DNAH11: variants seen among roughly 807,000 people sequenced by gnomAD.
DNAH11 encodes axonemal beta dynein heavy chain 11.
In DNAH11, 442 loss-of-function variants were observed where a neutral mutation model predicts 526.0. The ratio of observed to expected loss-of-function variants is 0.84; its 90% CI spans 0.78 to 0.91. DNAH11 has a LOEUF of 0.91. Ranked by LOEUF, DNAH11 falls within the 40% of genes least tolerant of loss-of-function variation. The pLI, the probability that DNAH11 is intolerant of heterozygous loss-of-function variation, is 0.00. For synonymous variants in DNAH11, 2,461 were observed against 1,935.9 expected, an observed-to-expected ratio of 1.27 and a Z score of -7.12; for missense variants, 6,989 against 5,448.7, an observed-to-expected ratio of 1.28 and a Z score of -8.90.
At chr7:21,573,333 C>G (rs1783965966) in intron 8 of DNAH11, among the ~76,000 whole-genome samples, 1 of 152,276 alleles carries the variant, frequency 6.6e-6, no homozygotes, top group Non-Finnish European at 1.5e-5. Flanking sequence ...TACCTCTGAT[C>G]TTCGGTCTGG....
intron 64 of DNAH11, 53 bp downstream of exon 64, chr7:21,816,755 C>A: frequency 1.3e-6 from 2 of 1,482,498 alleles, no homozygotes; most frequent in South Asian, 2.3e-5. Flanking sequence ...TGAAGTGGGT[C>A]TGATTTTTAT....
chr7:21,848,334 ATCTCTCTCTC>A (rs145963018), intron 66 of DNAH11, among the ~76,000 whole-genome samples: 1 of 148,764 alleles, frequency 6.7e-6, no homozygotes, highest in Non-Finnish European at 1.5e-5. Context: ...ATCTTTCTCC[ATCTCTCTCTC>A]TCTCTCTCTC....
At chr7:21,571,491 G>A (rs1583490787) in intron 7 of DNAH11, among the ~76,000 whole-genome samples, 2 of 152,018 alleles carry the variant, frequency 1.3e-5, no homozygotes, top group East Asian at 3.9e-4. Context: ...TGTTGCCCAG[G>A]TTGGTTTCAA....
intron 29 of DNAH11, among the ~76,000 whole-genome samples, 196 bp from the exon 30 acceptor site, chr7:21,658,602 G>A (rs957447566): frequency 6.6e-6 from 1 of 152,084 alleles, no homozygotes; most frequent in Non-Finnish European, 1.5e-5. Context: ...GAGAAGGCGG[G>A]TTCCTGCAGG....
chr7:21,894,708 G>A lies in DNAH11; in HGVS notation c.12836G>A (p.Ser4279Asn). ...AEIMQKNSNRSPYVLVCFQEC... is the reference protein window; with the variant it reads ...AEIMQKNSNRNPYVLVCFQEC... ...ATAATGCAAAAAAATTCAAATAGAA[G>A]CCCATATGTTCTTGTTTGCTTCCAA... The change falls in exon 78 of 82, where the codon AGC (serine) becomes AAC (asparagine). Residue 4279 changes from serine (S) to asparagine (N), a missense_variant. Physicochemically the swap from Ser to Asn is conservative, Grantham distance 46 (BLOSUM62 1). Transcript: ENST00000409508. The A allele has an allele frequency of 6.2e-7, 1 of 1,613,836 alleles. No homozygotes were observed. The highest frequency in any genetic ancestry group is 8.5e-7 in the Non-Finnish European group (1 of 1,179,850).
Position 21,862,011 on chromosome 7 carries a change from G to T in DNAH11, c.11361G>T (p.Gln3787His), listed in dbSNP as rs747740981. The T allele has an allele frequency of 3.7e-6, 6 of 1,611,864 alleles. No individual in the cohort carries two copies. The Admixed American group carries it at 1.0e-4, about 27-fold the overall frequency. The change falls in exon 69 of 82, where the codon CAG (glutamine) becomes CAT (histidine). Residue 3787 changes from glutamine to histidine, a missense_variant. Coordinates refer to ENST00000409508, the MANE Select transcript of DNAH11 (RefSeq NM_001277115.2). ...AGGACAAGCTCACCTTCCTGTCCCA[G>T]ATGGCTTTTCAGGTAAGGAGATCAG... is the stretch of plus-strand genomic sequence containing the variant. ...FEKDKLTFLSQMAFQILLRKK... is the reference protein window; with the variant it reads ...FEKDKLTFLSHMAFQILLRKK...
intron 25 of DNAH11, among the ~76,000 whole-genome samples, chr7:21,622,480 A>G (rs550179412): frequency 1.2e-4 from 19 of 152,334 alleles, no homozygotes; most frequent in Non-Finnish European, 1.8e-4. Flanking sequence ...TTTAAAGTTC[A>G]TATGGCACCA....
chr7:21,712,036 A>G (rs982083697), intron 42 of DNAH11, among the ~76,000 whole-genome samples, 176 bp downstream of exon 42: 3 of 151,950 alleles, frequency 2.0e-5, no homozygotes, highest in Non-Finnish European at 4.4e-5. Flanking sequence ...ATAACACCTC[A>G]TTCTCCCCTC....
chr7:21,836,747 T>C lies in DNAH11; in HGVS notation c.10692-5797T>C, dbSNP rs1782010940. Among the ~76,000 whole-genome samples, 4 of 152,076 alleles carry C rather than the reference T, an allele frequency of 2.6e-5. No individual in the cohort carries two copies. The South Asian group carries it at 8.3e-4, about 31-fold the overall frequency. On this transcript the variant is annotated intron_variant, in intron 65 of 81. Coordinates refer to ENST00000409508, the MANE Select transcript of DNAH11 (RefSeq NM_001277115.2). Reference sequence around the variant, plus strand: ...CAAAAGCAAAGATAGACAAATGGGATTACATCAGACTAAAAAGCTTCTGCA... The same window carrying C: ...CAAAAGCAAAGATAGACAAATGGGACTACATCAGACTAAAAAGCTTCTGCA...
chr7:21,791,069 C>A (rs555758174), intron 61 of DNAH11, among the ~76,000 whole-genome samples: 1 of 152,124 alleles, frequency 6.6e-6, no homozygotes, highest in South Asian at 2.1e-4. Context: ...AGAGAGATTA[C>A]GTTCAAGGCT....
intron 25 of DNAH11, among the ~76,000 whole-genome samples, chr7:21,634,764 A>T (rs1358338631): frequency 6.6e-6 from 1 of 152,052 alleles, no homozygotes; most frequent in East Asian, 1.9e-4. Context: ...CTCCCATAAC[A>T]TGCAATTTAC....
intron 38 of DNAH11, 56 bp from the exon 39 acceptor site, chr7:21,705,404 A>T (rs536885106): frequency 6.3e-7 from 1 of 1,583,450 alleles, no homozygotes; most frequent in African/African-American, 1.3e-5. Flanking sequence ...ATGGTAGATT[A>T]TCTTTTTGTC....
rs1785708236 is a variant in DNAH11 at position 21,615,152 on chromosome 7, G to A, written c.3891G>A (p.Leu1297=). The change falls in exon 21 of 82, where the codon TTG becomes TTA. Residue 1297 remains leucine (L), a synonymous_variant. Transcript: ENST00000409508. ...TTGAGGCCTTAGAAGAAGAAATGTTGCAGATGCAAGAATCTACTCGTCTTT... is the reference window on the plus strand; with the variant it reads ...TTGAGGCCTTAGAAGAAGAAATGTTACAGATGCAAGAATCTACTCGTCTTT... The part of the protein sequence containing the change: ...EELEALEEEM[L]QMQESTRLFE... The A allele has an allele frequency of 6.2e-7, 1 of 1,612,566 alleles. No individual in the cohort carries two copies. The highest frequency in any genetic ancestry group is 8.5e-7 in the Non-Finnish European group (1 of 1,179,284).
At chr7:21,628,525 T>A (rs1213492561) in intron 25 of DNAH11, among the ~76,000 whole-genome samples, 1 of 152,188 alleles carries the variant, frequency 6.6e-6, no homozygotes, top group African/African-American at 2.4e-5. Flanking sequence ...ATCAAATGTC[T>A]TTTTGAAATT....
At chr7:21,638,322 A>G (rs570528816) in intron 27 of DNAH11, among the ~76,000 whole-genome samples, 4 of 152,310 alleles carry the variant, frequency 2.6e-5, no homozygotes, top group Non-Finnish European at 4.4e-5. Flanking sequence ...GAGCAGTTTT[A>G]TAGTCTGAAA....
At chr7:21,841,587 C>G (rs926086431) in intron 65 of DNAH11, among the ~76,000 whole-genome samples, 1 of 147,268 alleles carries the variant, frequency 6.8e-6, no homozygotes, top group East Asian at 1.9e-4. Context: ...CTATATGGTC[C>G]CAGTGTGAGT....
intron 9 of DNAH11, among the ~76,000 whole-genome samples, chr7:21,583,062 T>C (rs1309311279): frequency 1.3e-5 from 2 of 152,208 alleles, no homozygotes. Context: ...CCACTGACTT[T>C]CTTCACAGAA....
At chr7:21,681,698 T>G in intron 31 of DNAH11, 21 bp downstream of exon 31, 1 of 1,613,650 alleles carries the variant, frequency 6.2e-7, no homozygotes, top group Non-Finnish European at 8.5e-7. Flanking sequence ...TGTAGAAATT[T>G]TATGTATTCA....
chr7:21,746,426 G>A (rs2214934), intron 51 of DNAH11, among the ~76,000 whole-genome samples: 142,006 of 152,122 alleles, frequency 0.93, 66,380 homozygotes, highest in African/African-American at 0.95. Context: ...TGACATAGTG[G>A]GACCCCATCT....
Sources: allele counts gnomAD v4.1 joint callset (sites outside exome capture counted in the v4.1 genomes callset), GRCh38; gene constraint gnomAD v4.1.1; transcripts MANE v1.5; gene names NCBI Gene and HGNC (gene_info 2026-07-23, HGNC 2026-07-21).